SOBP: variants seen among roughly 807,000 people sequenced by gnomAD.
SOBP encodes sine oculis-binding protein homolog.
Under a neutral mutation model 53.6 loss-of-function variants are expected in SOBP, and 4 were observed. That is an observed-to-expected ratio of 0.07 (90% confidence interval 0.04 to 0.17). The LOEUF is 0.17. Ranked by LOEUF, SOBP falls within the 10% of genes least tolerant of loss-of-function variation. The probability of loss-of-function intolerance (pLI) is 1.00; values close to 1 mark genes in which losing one functional copy is unlikely to be tolerated. For synonymous variants in SOBP, 584 were observed against 522.6 expected (o/e 1.12, Z -1.60); for missense variants, 1,088 against 1,204.7 (o/e 0.90, Z 1.43).
chr6:107,624,134 G>A lies in SOBP; in HGVS notation c.670-9380G>A, dbSNP rs77792126. ...AATAAAAAAATAAAATATAAAAAGC[G>A]AAGGCCTAACAGTGGGACTTGACTG... On this transcript the variant is annotated intron_variant, in intron 5 of 6. Transcript: ENST00000317357. Among the ~76,000 whole-genome samples the A allele has an allele frequency of 6.7e-3, 1,014 of 152,288 alleles. 15 individuals are homozygous for A. Among genetic ancestry groups the A allele is most frequent in the African/African-American group, 0.023 (956 of 41,562 alleles).
intron 3 of SOBP, among the ~76,000 whole-genome samples, chr6:107,521,410 A>G (rs1783481132): frequency 6.6e-6 from 1 of 152,228 alleles, no homozygotes; most frequent in Middle Eastern, 3.2e-3. Context: ...ATATAGGATT[A>G]AAAAGGTCAA....
At chr6:107,597,942 T>C (rs958295350) in intron 5 of SOBP, among the ~76,000 whole-genome samples, 2 of 152,230 alleles carry the variant, frequency 1.3e-5, no homozygotes, top group African/African-American at 4.8e-5. Context: ...TTTAATGTCA[T>C]GGACACATCC....
intron 5 of SOBP, among the ~76,000 whole-genome samples, chr6:107,617,910 A>T (rs951118507): frequency 3.5e-5 from 5 of 143,760 alleles, no homozygotes; most frequent in Non-Finnish European, 7.4e-5. Context: ...TCACTGCAAC[A>T]TCTACCTCCT....
intron 4 of SOBP, among the ~76,000 whole-genome samples, chr6:107,557,181 T>G (rs1485123611): frequency 6.6e-6 from 1 of 152,134 alleles, no homozygotes; most frequent in Non-Finnish European, 1.5e-5. Context: ...AAAAAAGAAC[T>G]AAAACTGAGG....
intron 4 of SOBP, among the ~76,000 whole-genome samples, chr6:107,556,339 T>C (rs1389714476): frequency 1.3e-5 from 2 of 152,218 alleles, no homozygotes; most frequent in Non-Finnish European, 2.9e-5. Context: ...GACCTAATAA[T>C]GGCCTCTCTG....
intron 1 of SOBP, among the ~76,000 whole-genome samples, chr6:107,500,877 A>G (rs1782828432): frequency 6.6e-6 from 1 of 152,184 alleles, no homozygotes; most frequent in African/African-American, 2.4e-5. Context: ...TTCATACAAT[A>G]GTGTATACAA....
intron 6 of SOBP, among the ~76,000 whole-genome samples, chr6:107,642,909 T>G (rs2115165944): frequency 6.6e-6 from 1 of 152,356 alleles, no homozygotes; most frequent in South Asian, 2.1e-4. Context: ...TTGCATGGCT[T>G]ATTTCCCCAG....
At chr6:107,567,931 A>G (rs1351289201) in intron 4 of SOBP, among the ~76,000 whole-genome samples, 4 of 152,236 alleles carry the variant, frequency 2.6e-5, no homozygotes, top group Non-Finnish European at 2.9e-5. Context: ...TTCTGGCTCC[A>G]GAGTGGGTGT....
At position 107,593,466 on chromosome 6, in the gene SOBP, G is replaced by A. The variant is rs1196191577; in HGVS notation, c.669+6291G>A. On this transcript the variant is annotated intron_variant, in intron 5 of 6. Transcript: ENST00000317357. ...CATCACAGTGATTCTTGGAGCCAGAGGGAGGTATGGAAGACTGTGTGTTCT... is the reference window on the plus strand; with the variant it reads ...CATCACAGTGATTCTTGGAGCCAGAAGGAGGTATGGAAGACTGTGTGTTCT... Among the ~76,000 whole-genome samples the A allele has an allele frequency of 4.6e-5, 7 of 152,204 alleles. No homozygotes were observed. In the East Asian group the frequency reaches 1.3e-3, roughly 29 times the overall value.
At chr6:107,535,282 A>G (rs565567657) in intron 4 of SOBP, among the ~76,000 whole-genome samples, 196 of 152,346 alleles carry the variant, frequency 1.3e-3, no homozygotes, top group African/African-American at 4.3e-3. Flanking sequence ...ACATCATTAT[A>G]AAGTTTAAGG....
chr6:107,628,471 G>C (rs1235117243), intron 5 of SOBP, among the ~76,000 whole-genome samples: 2 of 152,174 alleles, frequency 1.3e-5, no homozygotes, highest in Non-Finnish European at 2.9e-5. Context: ...TCATAGGAAA[G>C]CAGTGGATGA....
intron 3 of SOBP, among the ~76,000 whole-genome samples, chr6:107,532,931 A>T (rs1156269290): frequency 6.6e-6 from 1 of 152,154 alleles, no homozygotes; most frequent in Non-Finnish European, 1.5e-5. Context: ...CTTGGGAATT[A>T]TTACATTGCA....
chr6:107,634,458 CATCCCCATCCCT>C lies in SOBP; in HGVS notation c.1620_1631del (p.Ile541_Pro544del). The C allele has an allele frequency of 6.2e-7, 1 of 1,610,662 alleles. No individual in the cohort carries two copies. Among genetic ancestry groups the C allele is most frequent in the Non-Finnish European group, 8.5e-7 (1 of 1,179,908 alleles). On this transcript the variant is annotated inframe_deletion, in exon 6 of 7. Transcript: ENST00000317357. This position sits in a 1 kb window ranked among gnomAD's most constrained non-coding sequence, Gnocchi z 4.5. The stretch of plus-strand genomic sequence containing the variant: ...TCGTGCCCCTACCGGTGCCCATCCC[CATCCCCATCCCT>C]ATCCCTCACGTCAGCGACTCCAAGC...
At chr6:107,594,439 A>G (rs1452402378) in intron 5 of SOBP, among the ~76,000 whole-genome samples, 1 of 152,066 alleles carries the variant, frequency 6.6e-6, no homozygotes, top group African/African-American at 2.4e-5. Context: ...CCCTTTGAAC[A>G]GTGAAGGGGA....
At chr6:107,520,501 T>C (rs1783451864) in intron 3 of SOBP, among the ~76,000 whole-genome samples, 1 of 152,222 alleles carries the variant, frequency 6.6e-6, no homozygotes, top group African/African-American at 2.4e-5. Context: ...GATCACATAC[T>C]TCTGTGATTC....
intron 5 of SOBP, among the ~76,000 whole-genome samples, chr6:107,590,502 G>A (rs1785707462): frequency 6.6e-6 from 1 of 152,164 alleles, no homozygotes; most frequent in African/African-American, 2.4e-5. Flanking sequence ...ACTCAGAGGG[G>A]CAAAATCAGC....
chr6:107,533,635 GC>G (rs1174885079), intron 4 of SOBP, 25 bp downstream of exon 4: 5 of 1,613,518 alleles, frequency 3.1e-6, no homozygotes, highest in South Asian at 1.1e-5. Flanking sequence ...GAGAGAGGCG[GC>G]CCCCCACAGG....
intron 6 of SOBP, among the ~76,000 whole-genome samples, chr6:107,653,908 A>G (rs1771910386): frequency 6.6e-6 from 1 of 152,244 alleles, no homozygotes; most frequent in Admixed American, 6.5e-5. Flanking sequence ...GAGAGTGGCC[A>G]TATTTTGACA....
At chr6:107,495,446 A>T (rs771286458) in intron 1 of SOBP, among the ~76,000 whole-genome samples, 3 of 152,148 alleles carry the variant, frequency 2.0e-5, no homozygotes, top group Non-Finnish European at 4.4e-5. Context: ...CTCTAAACTT[A>T]CTTATACAAC....
Sources: gnomAD v4.1 joint callset for allele counts (sites outside exome capture counted in the v4.1 genomes callset) on GRCh38, gnomAD v4.1.1 for gene constraint, Gnocchi (gnomAD v3.1) non-coding constraint, MANE v1.5 for transcripts, NCBI Gene and HGNC (gene_info 2026-07-23, HGNC 2026-07-21) for gene names.